Variants in FAM151A observed in about 807,000 individuals in gnomAD.
The protein encoded by FAM151A is family with sequence similarity 151 member A.
FAM151A carries 41 observed loss-of-function variants against 40.4 expected under a neutral mutation model. That is an observed-to-expected ratio of 1.01 (90% CI 0.79 to 1.32). The LOEUF (loss-of-function observed/expected upper bound fraction) is 1.32. Ranked by LOEUF, FAM151A falls within the 40% of genes most tolerant of loss-of-function variation. The pLI is 0.00. For missense variants in FAM151A, 740 were observed against 740.4 expected, an observed-to-expected ratio of 1.00 and a Z score of 0.01; for synonymous variants, 337 against 312.5, an observed-to-expected ratio of 1.08 and a Z score of -0.83.
rs1393651414 is a variant in FAM151A at position 54,612,415 on chromosome 1, A to G, written c.800+71T>C. 1.8e-5 allele frequency: 20 copies of G among 1,139,802 alleles called. No individual in the cohort carries two copies. The Admixed American group carries it at 2.1e-4, about 12-fold the overall frequency. 70.6% of individuals were successfully genotyped at this position (1,139,802 alleles called of 1,614,324 possible). A position where few individuals can be genotyped will look rare whatever the true frequency, so the allele number is the denominator to read the frequency against. On this transcript the variant is annotated intron_variant, in intron 5 of 7. Coordinates refer to ENST00000302250, the MANE Select transcript of FAM151A (RefSeq NM_176782.3). ...AATGACCTTTAAGACCCTTCCAGCC[A>G]TGAGCTTCTGGGATCTTGCTGGGGG...
chr1:54,609,831 G>T lies in FAM151A; in HGVS notation c.1195C>A (p.Leu399Met), dbSNP rs368639296. 16 of 1,614,216 alleles carry T rather than the reference G, an allele frequency of 9.9e-6. No individual in the cohort carries two copies. The highest frequency in any genetic ancestry group is 1.4e-5 in the Non-Finnish European group (16 of 1,180,048). Residue 399 changes from leucine to methionine, a missense_variant, in exon 8 of 8, where the codon CTG becomes ATG. Transcript: ENST00000302250. ...SGNILTLESC[L>M]QQLATHPGHW... ...CCGGGATGTGTGGCCAGCTGCTGCA[G>T]GCAGGACTCCAGCGTCAGGATGTTG...
chr1:54,622,736 G>A (rs895405062), intron 1 of FAM151A, among the ~76,000 whole-genome samples: 10 of 151,816 alleles, frequency 6.6e-5, no homozygotes, highest in African/African-American at 2.2e-4. Context: ...TGAAAACTCC[G>A]TCTCAAAAAA....
At chr1:54,613,639 T>G (rs778814179) in intron 4 of FAM151A, among the ~76,000 whole-genome samples, 39 of 152,194 alleles carry the variant, frequency 2.6e-4, no homozygotes, top group Non-Finnish European at 5.1e-4. Flanking sequence ...TTTTTTTCTT[T>G]GTACTTTTCT....
Position 54,609,868 on chromosome 1 carries a change from A to G in FAM151A, c.1158T>C (p.His386=), listed in dbSNP as rs774025230. ...TVAENPVPIV[H]TPSGNILTLE... ...GCGTCAGGATGTTGCCACTTGGAGT[A>G]TGAACAATGGGCACGGGGTTTTCAG... Residue 386 remains histidine (H), a synonymous_variant, in exon 8 of 8, where the codon CAT becomes CAC. Coordinates refer to ENST00000302250, the MANE Select transcript of FAM151A (RefSeq NM_176782.3). 1.1e-5 allele frequency: 17 copies of G among 1,613,828 alleles called. No homozygotes were observed. Among genetic ancestry groups the G allele is most frequent in the Non-Finnish European group, 1.4e-5 (16 of 1,180,048 alleles).
chr1:54,619,299 G>A (rs1433445065), intron 2 of FAM151A, among the ~76,000 whole-genome samples: 1 of 152,244 alleles, frequency 6.6e-6, no homozygotes, highest in East Asian at 1.9e-4. Context: ...TGGGGGTCAA[G>A]CGTCACGCAG....
At chr1:54,615,171 C>G (rs7548565) in intron 3 of FAM151A, among the ~76,000 whole-genome samples, 40,761 of 151,914 alleles carry the variant, frequency 0.27, 5,712 homozygotes, top group Middle Eastern at 0.34. Context: ...CTGAAAAGGG[C>G]CTGTGGTTCC....
chr1:54,617,072 T>C (rs1324403516), intron 2 of FAM151A, among the ~76,000 whole-genome samples: 1 of 152,250 alleles, frequency 6.6e-6, no homozygotes, highest in African/African-American at 2.4e-5. Flanking sequence ...TTCTTGTTCC[T>C]GCACAAGGTT....
At position 54,616,184 on chromosome 1, in the gene FAM151A, G is replaced by T; in HGVS notation, c.263-12C>A. 3 of 1,602,476 alleles carry T rather than the reference G, an allele frequency of 1.9e-6. No individual in the cohort carries two copies. Among genetic ancestry groups the T allele is most frequent in the South Asian group, 1.1e-5 (1 of 89,304 alleles). On this transcript the variant is annotated splice_polypyrimidine_tract_variant and intron_variant, in intron 2 of 7. Transcript: ENST00000302250. ...GACTGTGATGTTGCCTGTGGAAGGG[G>T]CAACAACTCAGTGAGTTCCTTTTTT...
chr1:54,613,252 G>T (rs2101016994), intron 4 of FAM151A, among the ~76,000 whole-genome samples: 1 of 152,116 alleles, frequency 6.6e-6, no homozygotes, highest in African/African-American at 2.4e-5. Flanking sequence ...GGTGGCGCAT[G>T]GCTATAATCC....
rs746807453 is a variant in FAM151A, at chr1:54,610,495, AGCTGGAGAAGAGGGATCAGGCT to A, written c.979_1000del (p.Ser327CysfsTer7). 1.2e-6 allele frequency: 2 copies of A among 1,612,382 alleles called. No homozygotes were observed. Among genetic ancestry groups the A allele is most frequent in the South Asian group, 2.2e-5 (2 of 91,018 alleles). On this transcript the variant is annotated frameshift_variant, in exon 7 of 8. Coordinates refer to ENST00000302250, the MANE Select transcript of FAM151A (RefSeq NM_176782.3). LOFTEE classifies it high-confidence loss of function. ...CACATTCAGACCGTCATCCCCAGGC[AGCTGGAGAAGAGGGATCAGGCT>A]GCCTCCCGTGTAGTACATTGGTTTC... is the stretch of plus-strand genomic sequence containing the variant.
At position 54,614,825 on chromosome 1, in the gene FAM151A, C is replaced by T. The variant is rs1644154418; in HGVS notation, c.450G>A (p.Val150=). The change falls in exon 4 of 8, where the codon GTG becomes GTA. Residue 150 remains valine, a synonymous_variant. Transcript: ENST00000302250. ...IKLDFKNIKA[V]GPSLDLLRQL... ...GCCGCAGGAGGTCCAGGGAGGGGCC[C>T]ACTGCCTTGATGTTCTTGAAGTCCA... 2 of 1,614,154 alleles carry T rather than the reference C, an allele frequency of 1.2e-6. No homozygotes were observed. Among genetic ancestry groups the T allele is most frequent in the Non-Finnish European group, 1.7e-6 (2 of 1,180,020 alleles).
At chr1:54,612,402 G>T in intron 5 of FAM151A, 84 bp downstream of exon 5, 1 of 991,934 alleles carries the variant, frequency 1.0e-6, no homozygotes, top group Non-Finnish European at 1.5e-6. Flanking sequence ...TGACCTTTAA[G>T]ACCCTTCCAG....
In FAM151A at chr1:54,623,273, C is replaced by A; in HGVS notation, c.118+5G>T. 6.2e-7 allele frequency: 1 copy of A among 1,610,712 alleles called. No individual in the cohort carries two copies. The highest frequency in any genetic ancestry group is 1.3e-5 in the African/African-American group (1 of 74,954). On this transcript the variant is annotated splice_donor_5th_base_variant and intron_variant, in intron 1 of 7. Transcript: ENST00000302250. ...ACTCAGGATGACATGGGGGGAGGCA[C>A]CTACCTGGCCGCCGCAGGGTGATGG...
At position 54,609,464 on chromosome 1, in the gene FAM151A, G is replaced by A. The variant is rs1026394905; in HGVS notation, c.1562C>T (p.Thr521Ile). The A allele has an allele frequency of 5.0e-6, 8 of 1,613,514 alleles. No homozygotes were observed. Among genetic ancestry groups the A allele is most frequent in the Non-Finnish European group, 6.8e-6 (8 of 1,180,024 alleles). The stretch of plus-strand genomic sequence containing the variant: ...CAGCAGCCTGCCTATGGCTCCAGCT[G>A]TGCTGTGGCCCAGCAGCATGGCCTG... The part of the protein sequence containing the change: ...QMQAMLLGHS[T>I]AGAIGRLLAS... The change falls in exon 8 of 8, where the codon ACA becomes ATA. Residue 521 changes from threonine to isoleucine, a missense_variant. Transcript: ENST00000302250.
chr1:54,620,877 A>AAG (rs1644223342), intron 1 of FAM151A, among the ~76,000 whole-genome samples: 1 of 135,004 alleles, frequency 7.4e-6, no homozygotes, highest in African/African-American at 2.8e-5. Context: ...AAAAAAAAAA[A>AAG]GGCTGGGTTT....
At position 54,610,167 on chromosome 1, in the gene FAM151A, TG is replaced by T; in HGVS notation, c.1085-227del. 2.1e-6 allele frequency: 3 copies of T among 1,433,226 alleles called. No homozygotes were observed. In the East Asian group the frequency reaches 7.5e-5, roughly 36 times the overall value. 88.8% of individuals were successfully genotyped at this position (1,433,226 alleles called of 1,614,324 possible). A position where few individuals can be genotyped will look rare whatever the true frequency, so the allele number is the denominator to read the frequency against. ...CTTGGCCTTTACCCATGACTCAGCCTGGGGGCTGGTGCCGGCCTTGCCTGCA... is the reference window on the plus strand; with the variant it reads ...CTTGGCCTTTACCCATGACTCAGCCTGGGGCTGGTGCCGGCCTTGCCTGCA... On this transcript the variant is annotated intron_variant, in intron 7 of 7. Coordinates refer to ENST00000302250, the MANE Select transcript of FAM151A (RefSeq NM_176782.3).
At chr1:54,620,726 G>A (rs911649006) in intron 1 of FAM151A, among the ~76,000 whole-genome samples, 2 of 151,366 alleles carry the variant, frequency 1.3e-5, no homozygotes, top group African/African-American at 4.9e-5. Flanking sequence ...GCAGGAGCCT[G>A]TAATCCCAGC....
chr1:54,623,168 A>C, intron 1 of FAM151A, 110 bp downstream of exon 1: 1 of 735,286 alleles, frequency 1.4e-6, no homozygotes. Flanking sequence ...CAAGAGCAAA[A>C]CTCCGTCTAA....
Position 54,619,933 on chromosome 1 carries a change from G to A in FAM151A, c.193C>T (p.Arg65Ter), listed in dbSNP as rs143150804. The change falls in exon 2 of 8, where the codon CGA becomes TGA. Residue 65 changes from arginine to a stop codon, truncating the protein, a stop_gained. Coordinates refer to ENST00000302250, the MANE Select transcript of FAM151A (RefSeq NM_176782.3). LOFTEE classifies it high-confidence loss of function. ...TACCAGGTGACCTCCAAGGCATCTC[G>A]CCGGCTGATCTGGCCCAGGCTCAGC... is the stretch of plus-strand genomic sequence containing the variant. ...YLLSLGQISRRDALEVTWYHA... is the reference protein window; with the variant it reads ...YLLSLGQISR 46 of 1,613,998 alleles carry A rather than the reference G, an allele frequency of 2.9e-5. No individual in the cohort carries two copies. In the East Asian group the frequency reaches 2.9e-4, roughly 10 times the overall value.
Sources: allele counts gnomAD v4.1 joint callset (sites outside exome capture counted in the v4.1 genomes callset), GRCh38; gene constraint gnomAD v4.1.1; transcripts MANE v1.5; gene names NCBI Gene and HGNC (gene_info 2026-07-23, HGNC 2026-07-21).